CLASP1: variants seen among roughly 807,000 people sequenced by gnomAD.
CLASP1 encodes the protein cytoplasmic linker associated protein 1, also known as CLIP-associating protein 1.
In CLASP1, 38 loss-of-function variants were observed where a neutral mutation model predicts 192.3. The ratio of observed to expected loss-of-function variants is 0.20; its 90% CI spans 0.15 to 0.26. CLASP1 has a LOEUF of 0.26. Ranked by LOEUF, CLASP1 falls within the 10% of genes least tolerant of loss-of-function variation. The pLI is 1.00. For missense variants in CLASP1, 1,433 were observed against 1,932.5 expected (o/e 0.74, Z 4.85); for synonymous variants, 691 against 712.8 (o/e 0.97, Z 0.49).
At chr2:121,493,007 G>A (rs1291422329) in intron 8 of CLASP1, among the ~76,000 whole-genome samples, 3 of 152,172 alleles carry the variant, frequency 2.0e-5, no homozygotes, top group Non-Finnish European at 2.9e-5. Flanking sequence ...AATGAATGCT[G>A]TCATGGTATG....
At chr2:121,546,815 G>A in intron 2 of CLASP1, among the ~76,000 whole-genome samples, 1 of 152,182 alleles carries the variant, frequency 6.6e-6, no homozygotes, top group East Asian at 1.9e-4. Context: ...CAGACCCTGA[G>A]CATAGCATGG....
intron 23 of CLASP1, among the ~76,000 whole-genome samples, chr2:121,414,635 T>C (rs536928794): frequency 2.0e-5 from 3 of 152,186 alleles, no homozygotes; most frequent in Non-Finnish European, 2.9e-5. Context: ...GTGATGCATA[T>C]GCAACCATGC....
chr2:121,639,928 T>C (rs1334660851), intron 1 of CLASP1, among the ~76,000 whole-genome samples: 4 of 151,170 alleles, frequency 2.6e-5, no homozygotes, highest in Non-Finnish European at 5.9e-5. Context: ...CACGTATGTT[T>C]ACTGGGGCAC....
chr2:121,572,877 A>G (rs2060109736), intron 2 of CLASP1, among the ~76,000 whole-genome samples: 1 of 152,170 alleles, frequency 6.6e-6, no homozygotes, highest in Non-Finnish European at 1.5e-5. Context: ...CTGACCAATG[A>G]GAAAAGGGAA....
rs148945473 is a variant in CLASP1, at chr2:121,629,118, G to A, written c.-286+20254C>T. 1.9e-3 allele frequency among the ~76,000 whole-genome samples: 294 copies of A among 152,208 alleles called. 3 individuals are homozygous for A. The highest frequency in any genetic ancestry group is 6.5e-3 in the African/African-American group (268 of 41,528). The stretch of plus-strand genomic sequence containing the variant: ...GATAAAAAATCTGTTCTTGCCGGGC[G>A]CGGTGTCTCAGCCTGTAATCCCAGC... On this transcript the variant is annotated intron_variant, in intron 1 of 39. Transcript: ENST00000263710.
At chr2:121,418,650 T>G in exon 23 of CLASP1, 2 of 1,613,794 alleles carry the variant, frequency 1.2e-6, no homozygotes, top group Non-Finnish European at 1.7e-6. Context: ...GAGCAGGGCT[T>G]GTATCTCGGC....
At chr2:121,600,146 T>C (rs2063631597) in intron 2 of CLASP1, among the ~76,000 whole-genome samples, 1 of 152,164 alleles carries the variant, frequency 6.6e-6, no homozygotes, top group South Asian at 2.1e-4. Context: ...CAACCAGCAA[T>C]ACCTGGCTGA....
intron 2 of CLASP1, among the ~76,000 whole-genome samples, chr2:121,543,969 A>G (rs1284081537): frequency 6.6e-6 from 1 of 152,238 alleles, no homozygotes; most frequent in East Asian, 1.9e-4. Flanking sequence ...AAATATGCCT[A>G]CTTTGCAGAT....
At chr2:121,455,920 T>C (rs2086549907) in intron 14 of CLASP1, among the ~76,000 whole-genome samples, 1 of 152,004 alleles carries the variant, frequency 6.6e-6, no homozygotes. Flanking sequence ...TCTCAGAAGC[T>C]GGGGGTTGGG....
chr2:121,470,818 C>T (rs186972596), intron 8 of CLASP1: 1 of 228,488 alleles, frequency 4.4e-6, no homozygotes, highest in African/African-American at 2.3e-5. Context: ...CATCCTTCCA[C>T]ACCATTGCCA....
chr2:121,498,201 C>CTTTTTTTTTTTTT (rs70954551), intron 8 of CLASP1, among the ~76,000 whole-genome samples: 12 of 119,088 alleles, frequency 1.0e-4, no homozygotes, highest in African/African-American at 3.0e-4. Context: ...GTAATAGTTT[C>CTTTTTTTTTTTTT]TTTTTTTTTT....
intron 6 of CLASP1, among the ~76,000 whole-genome samples, chr2:121,522,067 G>T (rs2094470263): frequency 6.6e-6 from 1 of 152,194 alleles, no homozygotes; most frequent in African/African-American, 2.4e-5. Context: ...GTATCGGGGA[G>T]GTAGGTGGCA....
chr2:121,525,679 T>C (rs571335464), intron 6 of CLASP1, among the ~76,000 whole-genome samples, 166 bp downstream of exon 6: 1 of 152,284 alleles, frequency 6.6e-6, no homozygotes, highest in Non-Finnish European at 1.5e-5. Flanking sequence ...TTTATACATT[T>C]GAATGTATAA....
chr2:121,499,574 T>C (rs1386023046), intron 8 of CLASP1, among the ~76,000 whole-genome samples: 1 of 151,154 alleles, frequency 6.6e-6, no homozygotes, highest in South Asian at 2.1e-4. Flanking sequence ...GTAAATTATA[T>C]ATAATCTCAA....
At chr2:121,467,311 T>C (rs909008597) in intron 9 of CLASP1, among the ~76,000 whole-genome samples, 1 of 152,222 alleles carries the variant, frequency 6.6e-6, no homozygotes, top group East Asian at 1.9e-4. Flanking sequence ...TTATATTCCT[T>C]TGGGTATATG....
At chr2:121,380,764 A>C (rs1439034677) in intron 33 of CLASP1, among the ~76,000 whole-genome samples, 5 of 152,260 alleles carry the variant, frequency 3.3e-5, no homozygotes, top group Non-Finnish European at 7.3e-5. Context: ...TTCTAAATGT[A>C]AAAGTCTCTA....
rs566726304 is a variant in CLASP1, at chr2:121,366,003, C to A, written c.3887-719G>T. Among the ~76,000 whole-genome samples the A allele has an allele frequency of 4.6e-5, 7 of 152,294 alleles. 1 individual carries two copies. The South Asian group carries it at 1.5e-3, about 32-fold the overall frequency. ...ACTTTAAATAGAGAGGATGAAAAAA[C>A]AAACAAATCAGACAAGTTATTAGGA... On this transcript the variant is annotated intron_variant, in intron 35 of 39. Coordinates refer to ENST00000263710, the Ensembl canonical transcript of CLASP1.
chr2:121,430,090 A>T, exon 20 of CLASP1: 1 of 1,568,016 alleles, frequency 6.4e-7, no homozygotes, highest in Non-Finnish European at 8.7e-7. Context: ...CTGTGAAACC[A>T]CTTTAGCGCG....
intron 6 of CLASP1, among the ~76,000 whole-genome samples, chr2:121,522,437 TA>T (rs1200435515): frequency 6.6e-6 from 1 of 152,196 alleles, no homozygotes; most frequent in African/African-American, 2.4e-5. Context: ...GCACAAAAAG[TA>T]TAACTGCCAT....
Sources: gnomAD v4.1 joint callset for allele counts (sites outside exome capture counted in the v4.1 genomes callset) on GRCh38, gnomAD v4.1.1 for gene constraint, MANE v1.5 for transcripts, NCBI Gene and HGNC (gene_info 2026-07-23, HGNC 2026-07-21) for gene names.